The following CSMD3 variants were observed in gnomAD, a reference collection of about 807,000 sequenced individuals.
CSMD3 encodes CUB and sushi domain-containing protein 3.
Under a neutral mutation model 435.2 loss-of-function variants are expected in CSMD3, and 177 were observed. That is an observed-to-expected ratio of 0.41 (90% CI 0.36 to 0.46). CSMD3 has a LOEUF of 0.46. Among genes scored for constraint, CSMD3 ranks in the 20% least tolerant of loss-of-function variants. The pLI, the probability that CSMD3 is intolerant of heterozygous loss-of-function variation, is 0.34. For missense variants in CSMD3, 4,265 were observed against 4,504.6 expected (o/e 0.95, Z 1.52); for synonymous variants, 1,656 against 1,520.5 (o/e 1.09, Z -2.07).
chr8:112,317,954 A>T (rs1355632418), intron 47 of CSMD3, among the ~76,000 whole-genome samples: 2 of 152,112 alleles, frequency 1.3e-5, no homozygotes, highest in Non-Finnish European at 2.9e-5. Flanking sequence ...TATTCAACTT[A>T]ATCAACATTT....
chr8:112,786,931 T>A (rs1178619303), intron 13 of CSMD3, among the ~76,000 whole-genome samples: 1 of 152,068 alleles, frequency 6.6e-6, no homozygotes, highest in Non-Finnish European at 1.5e-5. Context: ...GTCCTCCCTA[T>A]GTCCATGTGC....
At chr8:113,044,747 T>A (rs1293912012) in intron 5 of CSMD3, among the ~76,000 whole-genome samples, 1 of 149,274 alleles carries the variant, frequency 6.7e-6, no homozygotes, top group Non-Finnish European at 1.5e-5. Context: ...CATCCTTTTT[T>A]AACCTATTTC....
intron 13 of CSMD3, among the ~76,000 whole-genome samples, chr8:112,794,626 T>G (rs1374280415): frequency 1.3e-5 from 2 of 152,016 alleles, no homozygotes; most frequent in Non-Finnish European, 2.9e-5. Flanking sequence ...GGAATTCTGA[T>G]TAGTTTGGCC....
chr8:112,579,592 T>C (rs1334881759), intron 23 of CSMD3, among the ~76,000 whole-genome samples: 2 of 152,064 alleles, frequency 1.3e-5, no homozygotes, highest in Non-Finnish European at 2.9e-5. Context: ...TTAATTACAA[T>C]CTAATTGTAA....
intron 2 of CSMD3, among the ~76,000 whole-genome samples, chr8:113,294,048 C>A (rs1326950045): frequency 6.6e-6 from 1 of 151,942 alleles, no homozygotes; most frequent in Middle Eastern, 3.3e-3. Flanking sequence ...TACTGTTTTA[C>A]ATCAGAACTC....
Position 113,355,793 on chromosome 8 carries a change from GTT to G in CSMD3, c.179-41002_179-41001del, listed in dbSNP as rs869298246. ...GGGGTGTGTGTGTGTGTGTGTGTGTGTTTGTCAACTATACATTTATCTATCAA... is the reference window on the plus strand; with the variant it reads ...GGGGTGTGTGTGTGTGTGTGTGTGTGTGTCAACTATACATTTATCTATCAA... On this transcript the variant is annotated intron_variant, in intron 1 of 70. Transcript: ENST00000297405. 4.8e-3 allele frequency among the ~76,000 whole-genome samples: 550 copies of G among 115,782 alleles called. 7 individuals carry two copies. Among genetic ancestry groups the G allele is most frequent in the African/African-American group, 0.01 (366 of 35,426 alleles). The allele number at this position is 115,782 out of a possible 152,430, so 76.0% of individuals were successfully genotyped here.
At chr8:112,635,915 T>C (rs111313780) in intron 22 of CSMD3, among the ~76,000 whole-genome samples, 6 of 152,266 alleles carry the variant, frequency 3.9e-5, no homozygotes, top group African/African-American at 1.4e-4. Context: ...TTGTAGCATA[T>C]TATAAGTTAC....
At chr8:112,311,454 C>A (rs1250934642) in intron 49 of CSMD3, among the ~76,000 whole-genome samples, 1 of 152,132 alleles carries the variant, frequency 6.6e-6, no homozygotes, top group African/African-American at 2.4e-5. Context: ...GGTTCAGAAG[C>A]CCAACAAATA....
chr8:112,369,359 A>G (rs1828099048), intron 38 of CSMD3, among the ~76,000 whole-genome samples: 1 of 152,228 alleles, frequency 6.6e-6, no homozygotes, highest in Non-Finnish European at 1.5e-5. Context: ...TCTAAAAAAT[A>G]TAATTTTTGA....
chr8:112,306,288 G>T, intron 50 of CSMD3, 96 bp from the exon 51 acceptor site: 3 of 875,718 alleles, frequency 3.4e-6, no homozygotes, highest in Non-Finnish European at 5.5e-6. Flanking sequence ...AAAACTAACG[G>T]GGATTTTTAT....
At chr8:113,328,254 C>T (rs1418525109) in intron 1 of CSMD3, among the ~76,000 whole-genome samples, 2 of 151,256 alleles carry the variant, frequency 1.3e-5, no homozygotes, top group Non-Finnish European at 1.5e-5. Context: ...CCGGCTAAAA[C>T]GGTGAAACCC....
chr8:113,106,706 G>A (rs1273670437), intron 4 of CSMD3, among the ~76,000 whole-genome samples: 1 of 152,186 alleles, frequency 6.6e-6, no homozygotes, highest in Non-Finnish European at 1.5e-5. Context: ...GTTGCTGGGA[G>A]GCAGCTGCCA....
intron 45 of CSMD3, 33 bp downstream of exon 45, chr8:112,335,296 C>T (rs1355256666): frequency 1.9e-6 from 3 of 1,602,282 alleles, no homozygotes; most frequent in African/African-American, 2.7e-5. Context: ...TAAACAGTAG[C>T]AAATGAAATA....
intron 32 of CSMD3, among the ~76,000 whole-genome samples, chr8:112,452,628 T>A (rs1434219842): frequency 6.6e-6 from 1 of 152,352 alleles, no homozygotes; most frequent in East Asian, 1.9e-4. Context: ...TTTAAGGAAT[T>A]TTCAATGACA....
At chr8:112,734,223 T>C (rs2077136449) in intron 13 of CSMD3, among the ~76,000 whole-genome samples, 1 of 150,954 alleles carries the variant, frequency 6.6e-6, no homozygotes, top group Admixed American at 6.6e-5. Flanking sequence ...CCAACAGTTT[T>C]GAAAGAGAAA....
intron 9 of CSMD3, among the ~76,000 whole-genome samples, chr8:112,944,974 T>C (rs2083559530): frequency 6.6e-6 from 1 of 151,714 alleles, no homozygotes; most frequent in Non-Finnish European, 1.5e-5. Context: ...TTCCCTGATA[T>C]CTCTGAATTT....
chr8:113,302,299 AATATAT>A (rs1325804383), intron 2 of CSMD3, among the ~76,000 whole-genome samples: 11 of 6,742 alleles, frequency 1.6e-3, no homozygotes, highest in Middle Eastern at 0.5. Flanking sequence ...AATATAATAT[AATATAT>A]ATATTATATA....
intron 47 of CSMD3, among the ~76,000 whole-genome samples, chr8:112,315,338 T>C (rs943809379): frequency 3.3e-5 from 5 of 151,916 alleles, no homozygotes; most frequent in Non-Finnish European, 4.4e-5. Flanking sequence ...CTGCAACATA[T>C]AGCAAATTTT....
chr8:112,337,040 A>G (rs1465320907), intron 43 of CSMD3, among the ~76,000 whole-genome samples: 1 of 152,148 alleles, frequency 6.6e-6, no homozygotes, highest in Non-Finnish European at 1.5e-5. Flanking sequence ...ATACTAAATA[A>G]TTGTTATTAA....
Sources: gnomAD v4.1 joint callset for allele counts (sites outside exome capture counted in the v4.1 genomes callset) on GRCh38, gnomAD v4.1.1 for gene constraint, MANE v1.5 for transcripts, NCBI Gene and HGNC (gene_info 2026-07-23, HGNC 2026-07-21) for gene names.